PDE8B: variants seen among roughly 807,000 people sequenced by gnomAD.
PDE8B encodes the protein phosphodiesterase 8B, also known as high affinity cAMP-specific and IBMX-insensitive 3',5'-cyclic phosphodiesterase 8B.
In PDE8B, 26 loss-of-function variants were observed where a neutral mutation model predicts 101.3. The observed-to-expected ratio is 0.26, with a 90% confidence interval of 0.19 to 0.36. The LOEUF is 0.36. Among genes scored for constraint, PDE8B ranks in the 10% least tolerant of loss-of-function variants. PDE8B has a pLI of 1.00. For synonymous variants in PDE8B, 424 were observed against 429.3 expected, an observed-to-expected ratio of 0.99 and a Z score of 0.15; for missense variants, 810 against 1,163.1, an observed-to-expected ratio of 0.70 and a Z score of 4.42.
At chr5:77,328,626 G>T (rs1776503023) in intron 3 of PDE8B, among the ~76,000 whole-genome samples, 1 of 152,164 alleles carries the variant, frequency 6.6e-6, no homozygotes, top group African/African-American at 2.4e-5. Context: ...CAAACCCAGT[G>T]AGCTCCCCCA....
At chr5:77,233,652 C>CTGTGTG (rs1491092072) in intron 1 of PDE8B, among the ~76,000 whole-genome samples, 1 of 127,042 alleles carries the variant, frequency 7.9e-6, no homozygotes, top group African/African-American at 3.0e-5. Flanking sequence ...CCCCCTGAAG[C>CTGTGTG]TCTGTGTGTG....
chr5:77,426,036 G>C (rs1798039464), intron 21 of PDE8B, 140 bp downstream of exon 21: 3 of 793,012 alleles, frequency 3.8e-6, no homozygotes, highest in Non-Finnish European at 6.3e-6. Context: ...GCCAAGTGGG[G>C]TGGGGTGCAT....
chr5:77,129,224 A>G, the PDE8B span, among the ~76,000 whole-genome samples: 1 of 152,220 alleles, frequency 6.6e-6, no homozygotes, highest in African/African-American at 2.4e-5. Context: ...GACTGTCATC[A>G]TGGGTCTCTA....
chr5:77,165,986 A>AT, the PDE8B span, among the ~76,000 whole-genome samples: 1 of 133,486 alleles, frequency 7.5e-6, no homozygotes, highest in Non-Finnish European at 1.7e-5. Context: ...AAAAAAAAAA[A>AT]AAAAAGAAAA....
chr5:77,302,613 T>C (rs563187393), intron 1 of PDE8B, among the ~76,000 whole-genome samples: 1 of 152,322 alleles, frequency 6.6e-6, no homozygotes, highest in East Asian at 1.9e-4. Context: ...ATCTTATTTA[T>C]AAGTCATTTA....
intron 3 of PDE8B, among the ~76,000 whole-genome samples, chr5:77,327,843 A>G (rs1776325460): frequency 6.6e-6 from 1 of 152,152 alleles, no homozygotes; most frequent in African/African-American, 2.4e-5. Context: ...TCCTGGGAAT[A>G]TGGCAGCCGA....
chr5:77,361,660 G>A (rs13166110), intron 10 of PDE8B, among the ~76,000 whole-genome samples: 29,533 of 151,698 alleles, frequency 0.19, 3,387 homozygotes, highest in Middle Eastern at 0.32. Context: ...GACTACAGGC[G>A]CCCGCTACCT....
At chr5:77,383,776 A>G (rs1787996584) in intron 10 of PDE8B, among the ~76,000 whole-genome samples, 1 of 152,176 alleles carries the variant, frequency 6.6e-6, no homozygotes, top group African/African-American at 2.4e-5. Context: ...GGTTTGTCAA[A>G]GATCAGATGG....
At chr5:77,425,079 G>A (rs1797729395) in intron 20 of PDE8B, among the ~76,000 whole-genome samples, 1 of 152,112 alleles carries the variant, frequency 6.6e-6, no homozygotes, top group South Asian at 2.1e-4. Flanking sequence ...ATTGAGTCAT[G>A]CTAAGGTGTT....
intron 1 of PDE8B, among the ~76,000 whole-genome samples, chr5:77,258,029 C>T (rs1214368247): frequency 2.0e-5 from 3 of 151,576 alleles, no homozygotes; most frequent in Non-Finnish European, 4.4e-5. Flanking sequence ...TGGCTCACAC[C>T]TGTAATCCCA....
chr5:77,277,131 C>T (rs251420), intron 1 of PDE8B, among the ~76,000 whole-genome samples: 3 of 151,978 alleles, frequency 2.0e-5, no homozygotes, highest in Non-Finnish European at 4.4e-5. Context: ...CCAAGGGGTG[C>T]TGTGGTAGAA....
In PDE8B at chr5:77,333,941, C is replaced by T. The variant is rs189353636; in HGVS notation, c.708+2482C>T. Among the ~76,000 whole-genome samples, 12 of 152,328 alleles carry T rather than the reference C, an allele frequency of 7.9e-5. No homozygotes were observed. In the East Asian group the frequency reaches 2.3e-3, roughly 29 times the overall value. On this transcript the variant is annotated intron_variant, in intron 5 of 21. Coordinates refer to ENST00000264917, the MANE Select transcript of PDE8B (RefSeq NM_003719.5). Reference sequence around the variant, plus strand: ...CACCTGGTGTTCTTCAGTGCTGGCCCTGATAGAGGCCATTTGCCCATTAGG... The same window carrying T: ...CACCTGGTGTTCTTCAGTGCTGGCCTTGATAGAGGCCATTTGCCCATTAGG...
At chr5:77,357,243 AGCCAGTGAGG>A (rs1308532832) in intron 10 of PDE8B, among the ~76,000 whole-genome samples, 1 of 152,130 alleles carries the variant, frequency 6.6e-6, no homozygotes, top group East Asian at 1.9e-4. Flanking sequence ...GATGCATGGG[AGCCAGTGAGG>A]GCCAGTGGAC....
chr5:77,165,649 A>G, the PDE8B span: 1 of 152,264 alleles, frequency 6.6e-6, no homozygotes, highest in Non-Finnish European at 1.5e-5. Context: ...GGGCTAAACC[A>G]TATCCATGTA....
upstream of PDE8B, among the ~76,000 whole-genome samples, chr5:77,208,544 G>C (rs944683777): frequency 1.5e-4 from 23 of 152,332 alleles, no homozygotes; most frequent in African/African-American, 5.3e-4. Flanking sequence ...TGGTTGCTAT[G>C]AGGCTTAGTT....
chr5:77,235,829 T>C (rs1352890492), intron 1 of PDE8B, among the ~76,000 whole-genome samples: 2 of 149,626 alleles, frequency 1.3e-5, no homozygotes, highest in Non-Finnish European at 1.5e-5. Flanking sequence ...AAAACAAAAC[T>C]AAAAATTCTT....
At chr5:77,199,402 A>T in the PDE8B span, among the ~76,000 whole-genome samples, 1 of 152,222 alleles carries the variant, frequency 6.6e-6, no homozygotes, top group African/African-American at 2.4e-5. Flanking sequence ...TCTTAATTTA[A>T]TAACAAAAAA....
intron 1 of PDE8B, among the ~76,000 whole-genome samples, chr5:77,264,671 T>C (rs1037384035): frequency 1.3e-5 from 2 of 152,154 alleles, no homozygotes; most frequent in African/African-American, 2.4e-5. Context: ...AGAGGACATA[T>C]CCAATTTTAT....
Position 77,404,760 on chromosome 5 carries a change from C to T in PDE8B, c.1251C>T (p.Ser417=). ...SFRYKNRRKE[S]IDVKSISSRG... The stretch of plus-strand genomic sequence containing the variant: ...GATATAAGAACAGGAGGAAAGAGTC[C>T]ATTGACGTGAAATCGATATCATCTC... The change falls in exon 12 of 22, where the codon TCC becomes TCT. Residue 417 remains serine (S), a synonymous_variant. Coordinates refer to ENST00000264917, the MANE Select transcript of PDE8B (RefSeq NM_003719.5). 1 of 1,607,346 alleles carries T rather than the reference C, an allele frequency of 6.2e-7. No homozygotes were observed. Among genetic ancestry groups the T allele is most frequent in the Non-Finnish European group, 8.5e-7 (1 of 1,174,004 alleles).
Sources: allele counts gnomAD v4.1 joint callset (sites outside exome capture counted in the v4.1 genomes callset), GRCh38; gene constraint gnomAD v4.1.1; transcripts MANE v1.5; gene names NCBI Gene and HGNC (gene_info 2026-07-23, HGNC 2026-07-21).